Variants in TMPRSS15 observed in about 807,000 individuals in gnomAD.
TMPRSS15 encodes transmembrane serine protease 15, also known as enteropeptidase.
Under a neutral mutation model 125.3 loss-of-function variants are expected in TMPRSS15, and 128 were observed. That is an observed-to-expected ratio of 1.02 (90% CI 0.89 to 1.18). TMPRSS15 has a LOEUF of 1.18. TMPRSS15 is among the 50% of genes most tolerant of loss of function. TMPRSS15 has a pLI of 0.00. For synonymous variants in TMPRSS15, 446 were observed against 423.2 expected, an observed-to-expected ratio of 1.05 and a Z score of -0.66; for missense variants, 1,283 against 1,212.7, an observed-to-expected ratio of 1.06 and a Z score of -0.86.
rs1480115844 is a variant in TMPRSS15 at position 18,277,349 on chromosome 21, AAG to A, written c.2764+1613_2764+1614del. Among the ~76,000 whole-genome samples, 11 of 152,286 alleles carry A rather than the reference AAG, an allele frequency of 7.2e-5. No homozygotes were observed. In the East Asian group the frequency reaches 1.9e-3, roughly 27 times the overall value. On this transcript the variant is annotated intron_variant, in intron 23 of 24. Coordinates refer to ENST00000284885, the MANE Select transcript of TMPRSS15 (RefSeq NM_002772.3). ...AACAAAAAAAACTTCCTATGAAATA[AAG>A]AGTTTCAAATTTTGTTATTGGTTAA...
chr21:18,305,282 G>A (rs941540476), intron 18 of TMPRSS15, among the ~76,000 whole-genome samples: 4 of 140,350 alleles, frequency 2.9e-5, no homozygotes, highest in Admixed American at 8.1e-5. Flanking sequence ...TCCGCCTCCC[G>A]GGTTCACGCC....
intron 23 of TMPRSS15, among the ~76,000 whole-genome samples, chr21:18,276,184 C>CA (rs889083591): frequency 1.3e-5 from 2 of 151,954 alleles, no homozygotes; most frequent in African/African-American, 2.4e-5. Flanking sequence ...ATGAAGGAAG[C>CA]AAAAAAAGTG....
rs779804609 is a variant in TMPRSS15 at position 18,403,578 on chromosome 21, G to A, written c.45C>T (p.Ser15=). 21 of 1,614,028 alleles carry A rather than the reference G, an allele frequency of 1.3e-5. No individual in the cohort carries two copies. The East Asian group carries it at 4.5e-4, about 34-fold the overall frequency. ...GAGCTGCAAACATGATTTCATAGGA[G>A]CTGAGAGAATGATGCCTAGAAGATA... is the stretch of plus-strand genomic sequence containing the variant. ...RGISSRHHSL[S]SYEIMFAALF... Residue 15 remains serine (S), a synonymous_variant, in exon 1 of 25, where the codon AGC becomes AGT. Coordinates refer to ENST00000284885, the MANE Select transcript of TMPRSS15 (RefSeq NM_002772.3).
chr21:18,429,640 T>A (rs561906676), intron 1 of TMPRSS15, among the ~76,000 whole-genome samples: 1 of 152,348 alleles, frequency 6.6e-6, no homozygotes, highest in Admixed American at 6.5e-5. Context: ...GCCTTTCAAC[T>A]TCTGCCATGA....
intron 16 of TMPRSS15, among the ~76,000 whole-genome samples, chr21:18,323,972 T>C (rs994000438): frequency 1.3e-5 from 2 of 152,180 alleles, no homozygotes; most frequent in Non-Finnish European, 2.9e-5. Context: ...GCTGATCTTA[T>C]TTTCAATACT....
chr21:18,421,882 C>T (rs77619522), intron 1 of TMPRSS15, among the ~76,000 whole-genome samples: 2,544 of 152,124 alleles, frequency 0.017, 30 homozygotes, highest in Non-Finnish European at 0.025. Flanking sequence ...TACACCCCTT[C>T]GGTTATGTCC....
intron 6 of TMPRSS15, among the ~76,000 whole-genome samples, chr21:18,369,272 A>G (rs2075768948): frequency 6.6e-6 from 1 of 152,128 alleles, no homozygotes; most frequent in African/African-American, 2.4e-5. Flanking sequence ...TGGCATTCAA[A>G]TCTCCAGGAT....
At chr21:18,425,859 A>C (rs1170250548) in intron 1 of TMPRSS15, among the ~76,000 whole-genome samples, 1 of 152,130 alleles carries the variant, frequency 6.6e-6, no homozygotes, top group East Asian at 1.9e-4. Flanking sequence ...GCTGTAAAAA[A>C]CCCTTAATAA....
At chr21:18,365,634 C>CTT (rs1441380027) in intron 6 of TMPRSS15, among the ~76,000 whole-genome samples, 1,255 of 107,090 alleles carry the variant, frequency 0.012, 161 homozygotes, top group African/African-American at 0.043. Context: ...CTTTCTCTTT[C>CTT]TCTCTCTTTT....
intron 22 of TMPRSS15, among the ~76,000 whole-genome samples, chr21:18,280,314 C>T (rs959705164): frequency 6.6e-5 from 10 of 152,126 alleles, no homozygotes; most frequent in Admixed American, 2.0e-4. Flanking sequence ...CGGTGGCTCA[C>T]GCCTGTAATC....
chr21:18,291,167 T>A (rs2074829203), intron 21 of TMPRSS15, among the ~76,000 whole-genome samples: 1 of 152,220 alleles, frequency 6.6e-6, no homozygotes, highest in South Asian at 2.1e-4. Context: ...GATATCCTTA[T>A]GAGCTTCCTA....
At chr21:18,365,012 G>A (rs2075713168) in intron 7 of TMPRSS15, 128 bp downstream of exon 7, 3 of 754,552 alleles carry the variant, frequency 4.0e-6, no homozygotes, top group Middle Eastern at 3.1e-4. Flanking sequence ...CAGTTTTTCA[G>A]TTGGGAGGTT....
At chr21:18,365,647 C>CGCCCT (rs2075725195) in intron 6 of TMPRSS15, among the ~76,000 whole-genome samples, 2 of 85,908 alleles carry the variant, frequency 2.3e-5, no homozygotes, top group Non-Finnish European at 4.5e-5. Context: ...TCTCTTTTTC[C>CGCCCT]TCCCTTCCTT....
chr21:18,456,988 A>G (rs1194325164), intron 1 of TMPRSS15, among the ~76,000 whole-genome samples: 1 of 152,048 alleles, frequency 6.6e-6, no homozygotes, highest in African/African-American at 2.4e-5. Context: ...TAGGCAATAG[A>G]ATGTTAGGTT....
intron 1 of TMPRSS15, among the ~76,000 whole-genome samples, chr21:18,400,285 A>G (rs2076082725): frequency 6.6e-6 from 1 of 152,206 alleles, no homozygotes; most frequent in African/African-American, 2.4e-5. Context: ...CTAAGCTAAA[A>G]GAACAAAGTC....
chr21:18,351,502 G>A (rs1179886515), intron 10 of TMPRSS15, among the ~76,000 whole-genome samples: 1 of 152,080 alleles, frequency 6.6e-6, no homozygotes, highest in African/African-American at 2.4e-5. Flanking sequence ...TCTCATAATG[G>A]TGAGTTCCCA....
At chr21:18,380,204 C>T (rs1196045794) in intron 4 of TMPRSS15, among the ~76,000 whole-genome samples, 1 of 151,080 alleles carries the variant, frequency 6.6e-6, no homozygotes, top group Admixed American at 6.6e-5. Context: ...CACACACACA[C>T]ACTCATATAT....
chr21:18,356,874 C>G (rs1354338374), intron 8 of TMPRSS15, among the ~76,000 whole-genome samples: 1 of 151,788 alleles, frequency 6.6e-6, no homozygotes, highest in Non-Finnish European at 1.5e-5. Flanking sequence ...TATAGCTATG[C>G]ACACTTCTGT....
intron 15 of TMPRSS15, among the ~76,000 whole-genome samples, chr21:18,327,642 G>A (rs908578896): frequency 6.6e-6 from 1 of 152,198 alleles, no homozygotes; most frequent in African/African-American, 2.4e-5. Flanking sequence ...CAGCATTCAT[G>A]TGATTGTATC....
Sources: allele counts gnomAD v4.1 joint callset (sites outside exome capture counted in the v4.1 genomes callset), GRCh38; gene constraint gnomAD v4.1.1; transcripts MANE v1.5; gene names NCBI Gene and HGNC (gene_info 2026-07-23, HGNC 2026-07-21).